The following HPS1 variants were observed in gnomAD, a reference collection of about 807,000 sequenced individuals.
The protein encoded by HPS1 is HPS1 biogenesis of lysosomal organelles complex 3 subunit 1, also known as BLOC-3 complex member HPS1.
A neutral mutation model predicts 90.6 loss-of-function variants in HPS1; 59 were observed. The ratio of observed to expected loss-of-function variants is 0.65; its 90% confidence interval spans 0.53 to 0.81. The LOEUF is 0.81. HPS1 is among the 30% of genes least tolerant of loss of function. HPS1 has a pLI of 0.00. For missense variants in HPS1, 849 were observed against 896.7 expected, an observed-to-expected ratio of 0.95 and a Z score of 0.68; for synonymous variants, 388 against 384.4, an observed-to-expected ratio of 1.01 and a Z score of -0.11.
At position 98,429,565 on chromosome 10, in the gene HPS1, G is replaced by A. The variant is rs141882680; in HGVS notation, c.937+8C>T. The A allele has an allele frequency of 1.2e-6, 2 of 1,614,104 alleles. No individual in the cohort carries two copies. Among genetic ancestry groups the A allele is most frequent in the African/African-American group, 2.7e-5 (2 of 74,942 alleles). The stretch of plus-strand genomic sequence containing the variant: ...TATTGTTTCCTCCTGCTTTCCTCCG[G>A]TCCTCACCTGAGCTCTGATCGCCAG... On this transcript the variant is annotated splice_region_variant and intron_variant, in intron 10 of 19. Coordinates refer to ENST00000361490, the MANE Select transcript of HPS1 (RefSeq NM_000195.5).
chr10:98,423,468 A>G, intron 16 of HPS1, 135 bp downstream of exon 16: 2 of 829,376 alleles, frequency 2.4e-6, no homozygotes, highest in South Asian at 2.7e-5. Context: ...TTTCCTTCAG[A>G]GAGGTGGTGA....
At chr10:98,423,949 T>TG in intron 14 of HPS1, 62 bp from the exon 15 acceptor site, 20 of 1,594,288 alleles carry the variant, frequency 1.3e-5, no homozygotes, top group Non-Finnish European at 1.7e-5. Context: ...TCGCCCTGTG[T>TG]GGACCACCTT....
At chr10:98,444,264 C>T (rs1003445077) in intron 2 of HPS1, among the ~76,000 whole-genome samples, 8 of 152,014 alleles carry the variant, frequency 5.3e-5, no homozygotes, top group African/African-American at 1.4e-4. Flanking sequence ...CCCACCCCCC[C>T]GCCACACACA....
At position 98,418,257 on chromosome 10, in the gene HPS1, C is replaced by T. The variant is rs757729705; in HGVS notation, c.1858G>A (p.Gly620Arg). Residue 620 changes from glycine to arginine, a missense_variant and splice_region_variant, in exon 19 of 20, where the codon GGG becomes AGG. Physicochemically the swap from Gly to Arg is moderately radical, Grantham distance 125. Transcript: ENST00000361490. ...SYFLWFENDM[G>R]YKLQMIEVPV... Reference sequence around the variant, plus strand: ...ACCTCGATCATCTGGAGTTTGTACCCCTGAGGAGGGAGGACAGGGAGGCAG... The same window carrying T: ...ACCTCGATCATCTGGAGTTTGTACCTCTGAGGAGGGAGGACAGGGAGGCAG... The T allele has an allele frequency of 1.3e-6, 2 of 1,599,260 alleles. No individual in the cohort carries two copies. Among genetic ancestry groups the T allele is most frequent in the South Asian group, 2.2e-5 (2 of 89,418 alleles).
chr10:98,430,767 G>T, intron 7 of HPS1, 97 bp from the exon 8 acceptor site: 1 of 955,066 alleles, frequency 1.0e-6, no homozygotes, highest in Non-Finnish European at 1.6e-6. Flanking sequence ...CTGCCCTCAA[G>T]GAGCAATGTA....
At chr10:98,420,205 C>T in intron 17 of HPS1, 47 bp from the exon 18 acceptor site, 1 of 1,382,652 alleles carries the variant, frequency 7.2e-7, no homozygotes. Context: ...CCTTGGTCTG[C>T]CTGGGCAGCT....
chr10:98,419,529 G>T (rs946419427), intron 18 of HPS1, among the ~76,000 whole-genome samples: 16 of 152,056 alleles, frequency 1.1e-4, no homozygotes, highest in African/African-American at 3.1e-4. Flanking sequence ...CCCCCCACTG[G>T]ACCCTACTCT....
rs1185127836 is a variant in HPS1 at position 98,425,561 on chromosome 10, G to C, written c.1315C>G (p.Arg439Gly). ...CTCACCTGAATCTCCTGTGCCCCTCGATTCTTGACAAACTTGTCCATCCTC... is the reference window on the plus strand; with the variant it reads ...CTCACCTGAATCTCCTGTGCCCCTCCATTCTTGACAAACTTGTCCATCCTC... ...RQRMDKFVKN[R>G]GAQEIQSTWL... is the part of the protein sequence containing the mutation. The change falls in exon 13 of 20, where the codon CGA becomes GGA. Residue 439 changes from arginine (R) to glycine (G), a missense_variant. Arg to Gly is a moderately radical substitution (Grantham distance 125). Transcript: ENST00000361490. The C allele has an allele frequency of 1.2e-6, 2 of 1,612,458 alleles. No individual in the cohort carries two copies. The highest frequency in any genetic ancestry group is 1.7e-6 in the Non-Finnish European group (2 of 1,179,406).
In HPS1 at chr10:98,431,185, T is replaced by C. The variant is rs565505287; in HGVS notation, c.614A>G (p.Glu205Gly). 1 of 1,614,090 alleles carries C rather than the reference T, an allele frequency of 6.2e-7. No individual in the cohort carries two copies. The highest frequency in any genetic ancestry group is 1.7e-5 in the Admixed American group (1 of 60,022). Residue 205 changes from glutamate (E) to glycine (G), a missense_variant, in exon 7 of 20, where the codon GAG becomes GGG. Glu to Gly is a moderately conservative substitution (Grantham distance 98, BLOSUM62 -2). Transcript: ENST00000361490. ...CACGAGCAGGAAGGCATGCAGGGCCTCCTCGCCTCCCCGCTCGGGGCTGGT... is the reference window on the plus strand; with the variant it reads ...CACGAGCAGGAAGGCATGCAGGGCCCCCTCGCCTCCCCGCTCGGGGCTGGT... ...VNTSPERGGE[E>G]ALHAFLLVHS...
In HPS1 at chr10:98,417,773, T is replaced by A; in HGVS notation, c.1941-47A>T. 6.3e-7 allele frequency: 1 copy of A among 1,581,494 alleles called. No homozygotes were observed. The highest frequency in any genetic ancestry group is 1.7e-4 in the Middle Eastern group (1 of 5,826). On this transcript the variant is annotated intron_variant, in intron 19 of 19. Transcript: ENST00000361490. This position sits in a 1 kb window ranked among gnomAD's most constrained non-coding sequence, Gnocchi z 4.2. ...GGATTCAGGAGTGAGGCTGTGGCAC[T>A]CCTCCAGCGCCAGAGGCCTCTCTGG...
intron 13 of HPS1, among the ~76,000 whole-genome samples, chr10:98,425,127 C>T (rs1453467283): frequency 6.6e-6 from 1 of 152,232 alleles, no homozygotes; most frequent in Non-Finnish European, 1.5e-5. Flanking sequence ...GTGACCTGCA[C>T]ATCCCTGTGT....
At chr10:98,429,748 G>C in intron 9 of HPS1, 43 bp downstream of exon 9, 5 of 1,612,848 alleles carry the variant, frequency 3.1e-6, no homozygotes, top group Non-Finnish European at 4.2e-6. Context: ...TGCAGAGGCC[G>C]ATCCCCTCCT....
At chr10:98,433,558 A>G (rs113068901) in intron 6 of HPS1, among the ~76,000 whole-genome samples, 7,496 of 152,200 alleles carry the variant, frequency 0.049, 229 homozygotes, top group Middle Eastern at 0.085. Flanking sequence ...CAGCTCTCCT[A>G]TGCTGCTGCT....
At chr10:98,424,470 G>T in intron 13 of HPS1, 96 bp from the exon 14 acceptor site, 1 of 1,080,052 alleles carries the variant, frequency 9.3e-7, no homozygotes, top group Non-Finnish European at 1.4e-6. Context: ...AGAGGGCACA[G>T]GGCCCCCAGA....
At chr10:98,429,169 A>T in intron 10 of HPS1, 1 of 1,034,582 alleles carries the variant, frequency 9.7e-7, no homozygotes, top group Non-Finnish European at 1.2e-6. Context: ...GTTTTTTTTT[A>T]TTGTTTACCC....
chr10:98,446,337 C>G (rs1473839846), intron 1 of HPS1, among the ~76,000 whole-genome samples: 1 of 152,230 alleles, frequency 6.6e-6, no homozygotes, highest in Non-Finnish European at 1.5e-5. Flanking sequence ...CGCTTCACCT[C>G]GCTATCTTGC....
At chr10:98,420,262 T>G in intron 17 of HPS1, 104 bp from the exon 18 acceptor site, 1 of 821,888 alleles carries the variant, frequency 1.2e-6, no homozygotes, top group Admixed American at 1.8e-5. Flanking sequence ...GCTCCGTGAG[T>G]GCCAGGGGCC....
At chr10:98,425,080 A>T (rs558233628) in intron 13 of HPS1, among the ~76,000 whole-genome samples, 1 of 152,188 alleles carries the variant, frequency 6.6e-6, no homozygotes, top group South Asian at 2.1e-4. Context: ...TCAGCTCCCC[A>T]CCTGGGCCCT....
At position 98,423,761 on chromosome 10, in the gene HPS1, C is replaced by G; in HGVS notation, c.1524G>C (p.Arg508Ser). Reference sequence around the variant, plus strand: ...GGCCGCACTGCACTTACCGCATGAGCCTCTGCACTTGGTCCTGCAGGTGCT... The same window carrying G: ...GGCCGCACTGCACTTACCGCATGAGGCTCTGCACTTGGTCCTGCAGGTGCT... ...LPQHLQDQVQ[R>S]LMREKLTDWK... Residue 508 changes from arginine to serine, a missense_variant, in exon 15 of 20, where the codon AGG becomes AGC. Coordinates refer to ENST00000361490, the MANE Select transcript of HPS1 (RefSeq NM_000195.5). The G allele has an allele frequency of 6.2e-7, 1 of 1,614,144 alleles. No homozygotes were observed. Among genetic ancestry groups the G allele is most frequent in the Non-Finnish European group, 8.5e-7 (1 of 1,180,038 alleles).
Sources: allele counts gnomAD v4.1 joint callset (sites outside exome capture counted in the v4.1 genomes callset), GRCh38; gene constraint gnomAD v4.1.1; non-coding constraint Gnocchi (gnomAD v3.1); transcripts MANE v1.5; gene names NCBI Gene and HGNC (gene_info 2026-07-23, HGNC 2026-07-21).